Variants in HAGH observed in about 807,000 individuals in gnomAD.
HAGH encodes hydroxyacylglutathione hydrolase.
Under a neutral mutation model 35.1 loss-of-function variants are expected in HAGH, and 29 were observed. That is an observed-to-expected ratio of 0.83 (90% CI 0.62 to 1.13). The LOEUF is 1.13. Among genes scored for constraint, HAGH ranks in the 50% most tolerant of loss-of-function variants. The probability of loss-of-function intolerance (pLI) is 0.00; values close to 1 mark genes in which losing one functional copy is unlikely to be tolerated. For missense variants in HAGH, 478 were observed against 419.6 expected (o/e 1.14, Z -1.22); for synonymous variants, 225 against 176.1 (o/e 1.28, Z -2.20).
rs1280486651 is a variant in HAGH, at chr16:1,808,093, A to T, written c.*1190T>A. ...CGGCTGCAGCATTGTGAATGGACTA[A>T]ATACCACTCAACTGCATGATTAATT... On this transcript the variant is annotated 3_prime_UTR_variant, in exon 9 of 9. Transcript: ENST00000397356. 6.6e-6 allele frequency: 1 copy of T among 152,144 alleles called. No individual in the cohort carries two copies. The highest frequency in any genetic ancestry group is 2.4e-5 in the African/African-American group (1 of 41,418). 9.4% of individuals were successfully genotyped at this position (152,144 alleles called of 1,614,324 possible).
intron 5 of HAGH, 148 bp from the exon 6 acceptor site, chr16:1,817,419 C>A (rs1897955619): frequency 1.5e-6 from 1 of 647,964 alleles, no homozygotes; most frequent in Non-Finnish European, 2.8e-6. Flanking sequence ...AGACTCAGCC[C>A]CCCTGCATTC....
chr16:1,826,947 T>G (rs1898467395), upstream of HAGH: 3 of 646,428 alleles, frequency 4.6e-6, no homozygotes, highest in Admixed American at 3.5e-5. Context: ...CAACTTGTTT[T>G]GTCCGCGAGC....
intron 1 of HAGH, among the ~76,000 whole-genome samples, chr16:1,824,426 G>A (rs113729759): frequency 0.011 from 1,711 of 152,300 alleles, 16 homozygotes; most frequent in Non-Finnish European, 0.016. Context: ...AGGAGTGGGT[G>A]ACCAAGGGAC....
chr16:1,824,514 G>C (rs533542893), intron 1 of HAGH, among the ~76,000 whole-genome samples: 12 of 151,854 alleles, frequency 7.9e-5, no homozygotes, highest in Non-Finnish European at 1.6e-4. Flanking sequence ...AAAATACCTG[G>C]GGGCCCCGAC....
rs1301548779 is a variant in HAGH at position 1,826,544 on chromosome 16, G to C, written c.76+168C>G. Reference sequence around the variant, plus strand: ...GCACCCGCGGCCCCGCGCCCGCTCCGCGCCAGCCTCAGCGCCTGCGCCGCC... The same window carrying C: ...GCACCCGCGGCCCCGCGCCCGCTCCCCGCCAGCCTCAGCGCCTGCGCCGCC... On this transcript the variant is annotated intron_variant, in intron 1 of 8. Coordinates refer to ENST00000397356, the MANE Select transcript of HAGH (RefSeq NM_005326.6). The C allele has an allele frequency of 5.6e-6, 4 of 714,480 alleles. No individual in the cohort carries two copies. The African/African-American group carries it at 7.4e-5, about 13-fold the overall frequency. 44.3% of individuals were successfully genotyped at this position (714,480 alleles called of 1,614,324 possible).
At chr16:1,827,181 C>G (rs781246581), upstream of HAGH, 7 of 1,554,432 alleles carry the variant, frequency 4.5e-6, no homozygotes, top group South Asian at 7.1e-5. Flanking sequence ...TCCGGGATGC[C>G]GTAGGCATCA....
At chr16:1,823,951 C>T (rs1898276112) in intron 1 of HAGH, among the ~76,000 whole-genome samples, 1 of 152,042 alleles carries the variant, frequency 6.6e-6, no homozygotes, top group Non-Finnish European at 1.5e-5. Context: ...ATTCACACCC[C>T]GGACTCAGGG....
intron 7 of HAGH, among the ~76,000 whole-genome samples, chr16:1,816,339 G>C (rs1020873440): frequency 2.0e-5 from 3 of 152,048 alleles, no homozygotes; most frequent in African/African-American, 7.2e-5. Context: ...CAAAAAACCG[G>C]GTGATTTATT....
intron 1 of HAGH, among the ~76,000 whole-genome samples, chr16:1,825,256 T>C (rs1898345507): frequency 6.6e-6 from 1 of 152,186 alleles, no homozygotes; most frequent in Non-Finnish European, 1.5e-5. Flanking sequence ...AGGCAGAGGT[T>C]GCAGTGAGCC....
At chr16:1,819,595 G>C (rs556765474) in intron 4 of HAGH, among the ~76,000 whole-genome samples, 41 of 152,298 alleles carry the variant, frequency 2.7e-4, no homozygotes, top group African/African-American at 9.4e-4. Flanking sequence ...CCCTCAAAAA[G>C]GCTGAAGACA....
At chr16:1,813,662 T>C (rs899355742) in intron 7 of HAGH, among the ~76,000 whole-genome samples, 11 of 152,096 alleles carry the variant, frequency 7.2e-5, no homozygotes, top group African/African-American at 2.7e-4. Context: ...ATCACAACAG[T>C]CCCAATCAGC....
chr16:1,811,374 A>G (rs913710288), intron 7 of HAGH, among the ~76,000 whole-genome samples: 1 of 152,082 alleles, frequency 6.6e-6, no homozygotes, highest in Non-Finnish European at 1.5e-5. Context: ...AGACCATGCC[A>G]CTGCACTCCA....
At chr16:1,819,004 C>T in intron 5 of HAGH, 111 bp downstream of exon 5, 1 of 698,638 alleles carries the variant, frequency 1.4e-6, no homozygotes, top group South Asian at 1.6e-5. Flanking sequence ...CCTGGGCCCC[C>T]TCACACCGGT....
intron 7 of HAGH, among the ~76,000 whole-genome samples, chr16:1,813,617 TC>T (rs1222021593): frequency 6.6e-6 from 1 of 152,084 alleles, no homozygotes; most frequent in Non-Finnish European, 1.5e-5. Flanking sequence ...ACAGAAACAC[TC>T]AATGTTAAGA....
At chr16:1,823,163 G>A (rs567088825) in intron 1 of HAGH, 126 bp from the exon 2 acceptor site, 6 of 777,080 alleles carry the variant, frequency 7.7e-6, no homozygotes, top group African/African-American at 3.4e-5. Context: ...CAGGTATGGT[G>A]GTTCTTGCCG....
chr16:1,823,854 AC>A (rs1898272312), intron 1 of HAGH, among the ~76,000 whole-genome samples: 1 of 151,452 alleles, frequency 6.6e-6, no homozygotes, highest in African/African-American at 2.4e-5. Flanking sequence ...TTTCAGACTT[AC>A]GATCTCTATT....
chr16:1,815,164 A>G (rs997595252), intron 7 of HAGH, among the ~76,000 whole-genome samples: 4 of 152,100 alleles, frequency 2.6e-5, no homozygotes, highest in Non-Finnish European at 5.9e-5. Flanking sequence ...ACCACAGGCA[A>G]GTTAGAATGG....
At chr16:1,823,530 G>C (rs914044788) in intron 1 of HAGH, among the ~76,000 whole-genome samples, 7 of 151,744 alleles carry the variant, frequency 4.6e-5, no homozygotes, top group Non-Finnish European at 8.8e-5. Context: ...GCCTCCCAAA[G>C]TGCTGGGATG....
At chr16:1,812,860 CGGCTGGCTCCACCGCGTG>C (rs893204122) in intron 7 of HAGH, among the ~76,000 whole-genome samples, 40 of 152,114 alleles carry the variant, frequency 2.6e-4, no homozygotes, top group African/African-American at 8.2e-4. Flanking sequence ...TCCTTTCAAA[CGGCTGGCTCCACCGCGTG>C]GGCTGGCTCC....
Sources: gnomAD v4.1 joint callset for allele counts (sites outside exome capture counted in the v4.1 genomes callset) on GRCh38, gnomAD v4.1.1 for gene constraint, MANE v1.5 for transcripts, NCBI Gene and HGNC (gene_info 2026-07-23, HGNC 2026-07-21) for gene names.